ANKRD62: variants seen among roughly 807,000 people sequenced by gnomAD.
ANKRD62 encodes the protein ankyrin repeat domain-containing protein 62.
A neutral mutation model predicts 98.8 loss-of-function variants in ANKRD62; 61 were observed. The ratio of observed to expected loss-of-function variants is 0.62; its 90% CI spans 0.50 to 0.76. The LOEUF is 0.76. Among genes scored for constraint, ANKRD62 ranks in the 30% least tolerant of loss-of-function variants. The pLI is 0.00. For missense variants in ANKRD62, 933 were observed against 1,082.9 expected, an observed-to-expected ratio of 0.86 and a Z score of 1.94; for synonymous variants, 341 against 367.9, an observed-to-expected ratio of 0.93 and a Z score of 0.84.
chr18:12,113,957 C>A (rs1909603604), intron 8 of ANKRD62, among the ~76,000 whole-genome samples: 1 of 152,052 alleles, frequency 6.6e-6, no homozygotes, highest in South Asian at 2.1e-4. Context: ...TATTAGGTAG[C>A]CATAAAAAAT....
chr18:12,107,948 C>A (rs1297462605), intron 8 of ANKRD62, among the ~76,000 whole-genome samples: 2 of 152,052 alleles, frequency 1.3e-5, no homozygotes, highest in African/African-American at 4.8e-5. Context: ...CATATATATG[C>A]ATGTGTAGTT....
downstream of ANKRD62, among the ~76,000 whole-genome samples, chr18:12,133,775 T>C (rs1269640726): frequency 2.0e-5 from 3 of 152,084 alleles, no homozygotes; most frequent in South Asian, 2.1e-4. Context: ...CAAGAATGTA[T>C]TTTTTTACAC....
chr18:12,127,883 G>A lies in ANKRD62; in HGVS notation c.2698G>A (p.Gly900Ser). The change falls in exon 14 of 14, where the codon GGC becomes AGC. Residue 900 changes from glycine to serine, a missense_variant. Coordinates refer to ENST00000587848, the MANE Select transcript of ANKRD62 (RefSeq NM_001277333.2). ...GGCACAAAGTTTAAAAAAGAAATTA[G>A]GCCAGATGAGAAGTCAAGTATGTAT... ...DEAQSLKKKL[G>S]QMRSQVCMKL... 6.6e-7 allele frequency: 1 copy of A among 1,522,364 alleles called. No homozygotes were observed. Among genetic ancestry groups the A allele is most frequent in the Non-Finnish European group, 8.8e-7 (1 of 1,141,416 alleles). 94.3% of individuals were successfully genotyped at this position (1,522,364 alleles called of 1,614,324 possible).
intron 11 of ANKRD62, 82 bp downstream of exon 11, chr18:12,122,598 C>A: frequency 1.7e-6 from 2 of 1,184,264 alleles, no homozygotes; most frequent in Non-Finnish European, 2.3e-6. Flanking sequence ...AGCTGACTTA[C>A]CTTCTAGGGT....
chr18:12,102,610 G>A, intron 6 of ANKRD62: 3 of 542,520 alleles, frequency 5.5e-6, no homozygotes, highest in South Asian at 4.9e-5. Context: ...TTTGTCTGGG[G>A]AAAGAGCCAG....
chr18:12,101,498 C>T (rs964523003), intron 6 of ANKRD62, among the ~76,000 whole-genome samples: 8 of 152,088 alleles, frequency 5.3e-5, no homozygotes, highest in Non-Finnish European at 1.2e-4. Context: ...TAAAATTTCC[C>T]CAGTATATGT....
At chr18:12,133,052 C>G (rs1391103436), downstream of ANKRD62, among the ~76,000 whole-genome samples, 2 of 152,108 alleles carry the variant, frequency 1.3e-5, no homozygotes, top group Non-Finnish European at 1.5e-5. Context: ...AATAGAAACT[C>G]TGTACCCATT....
rs146252909 is a variant in ANKRD62 at position 12,128,682 on chromosome 18, A to C, written c.*743A>C. On this transcript the variant is annotated 3_prime_UTR_variant, in exon 14 of 14. Coordinates refer to ENST00000587848, the MANE Select transcript of ANKRD62 (RefSeq NM_001277333.2). ...ATGAGCCCTGCCACTCGATAGGAGA[A>C]TCTATCTATTTTAATTATTTTTCTG... 50 of 152,364 alleles carry C rather than the reference A, an allele frequency of 3.3e-4. No homozygotes were observed. Among genetic ancestry groups the C allele is most frequent in the African/African-American group, 1.2e-3 (49 of 41,586 alleles). The allele number at this position is 152,364 out of a possible 1,614,324, so 9.4% of individuals were successfully genotyped here. A position where few individuals can be genotyped will look rare whatever the true frequency, so the allele number is the denominator to read the frequency against.
At chr18:12,114,660 GGCTA>G (rs1328538640) in intron 8 of ANKRD62, among the ~76,000 whole-genome samples, 2 of 152,074 alleles carry the variant, frequency 1.3e-5, no homozygotes, top group Non-Finnish European at 2.9e-5. Flanking sequence ...GTCCCAAAAA[GGCTA>G]GCTAATGTTA....
chr18:12,095,378 T>C lies in ANKRD62; in HGVS notation c.334-59T>C, dbSNP rs918512953. ...ACCTCATTGAAATGTGACTAGTTGG[T>C]GAATCCTGTGGAAGATTTCCTAGAA... On this transcript the variant is annotated intron_variant, in intron 2 of 13. Transcript: ENST00000587848. The C allele has an allele frequency of 2.5e-5, 38 of 1,536,290 alleles. No individual in the cohort carries two copies. In the East Asian group the frequency reaches 8.6e-4, roughly 35 times the overall value.
rs941320565 is a variant in ANKRD62 at position 12,094,899 on chromosome 18, G to A, written c.219-272G>A. ...GGGGGTTGGATGGAGTGAGGGGACTGGTTGGGGGTAGAGTTGGGTAGGATG... is the reference window on the plus strand; with the variant it reads ...GGGGGTTGGATGGAGTGAGGGGACTAGTTGGGGGTAGAGTTGGGTAGGATG... On this transcript the variant is annotated intron_variant, in intron 1 of 13. Coordinates refer to ENST00000587848, the MANE Select transcript of ANKRD62 (RefSeq NM_001277333.2). Among the ~76,000 whole-genome samples, 7 of 131,614 alleles carry A rather than the reference G, an allele frequency of 5.3e-5. No individual in the cohort carries two copies. In the South Asian group the frequency reaches 8.1e-4, roughly 15 times the overall value. The allele number at this position is 131,614 out of a possible 152,430, so 86.3% of individuals were successfully genotyped here. A position where few individuals can be genotyped will look rare whatever the true frequency, so the allele number is the denominator to read the frequency against.
the ANKRD62 span, among the ~76,000 whole-genome samples, chr18:12,179,045 AC>A: frequency 1.4e-5 from 2 of 146,194 alleles, no homozygotes; most frequent in Non-Finnish European, 3.0e-5. Context: ...TGACATAGGA[AC>A]CGAGGGAGAG....
the ANKRD62 span, among the ~76,000 whole-genome samples, chr18:12,139,429 G>T: frequency 4.6e-5 from 7 of 152,202 alleles, no homozygotes; most frequent in African/African-American, 1.7e-4. Context: ...CGGATCACGA[G>T]GTCAGGAGAT....
At chr18:12,167,247 T>C in the ANKRD62 span, among the ~76,000 whole-genome samples, 1 of 151,906 alleles carries the variant, frequency 6.6e-6, no homozygotes, top group Non-Finnish European at 1.5e-5. Flanking sequence ...TAGCTCATCA[T>C]TTACATTAAG....
rs1473617216 is a variant in ANKRD62 at position 12,093,893 on chromosome 18, C to G, written c.-125C>G. 2 of 862,314 alleles carry G rather than the reference C, an allele frequency of 2.3e-6. No homozygotes were observed. Among genetic ancestry groups the G allele is most frequent in the Non-Finnish European group, 3.6e-6 (2 of 550,068 alleles). 53.4% of individuals were successfully genotyped at this position (862,314 alleles called of 1,614,324 possible). A position where few individuals can be genotyped will look rare whatever the true frequency, so the allele number is the denominator to read the frequency against. On this transcript the variant is annotated 5_prime_UTR_variant, in exon 1 of 14. Coordinates refer to ENST00000587848, the MANE Select transcript of ANKRD62 (RefSeq NM_001277333.2). Reference sequence around the variant, plus strand: ...CGAGCAGCTGGAGACTGGAGTGTCCCTGACGGAGGTTGCGGCTGGACCTGG... The same window carrying G: ...CGAGCAGCTGGAGACTGGAGTGTCCGTGACGGAGGTTGCGGCTGGACCTGG...
chr18:12,177,352 A>G, the ANKRD62 span, among the ~76,000 whole-genome samples: 2 of 152,170 alleles, frequency 1.3e-5, no homozygotes, highest in Non-Finnish European at 2.9e-5. Context: ...TGGGGAAGAC[A>G]TTCCTCAAGG....
chr18:12,138,766 C>G, the ANKRD62 span, among the ~76,000 whole-genome samples: 1 of 152,094 alleles, frequency 6.6e-6, no homozygotes, highest in Non-Finnish European at 1.5e-5. Context: ...ATAGTTAGTT[C>G]TTGTTGTATT....
the ANKRD62 span, among the ~76,000 whole-genome samples, chr18:12,138,853 G>C: frequency 5.3e-5 from 8 of 152,198 alleles, no homozygotes; most frequent in South Asian, 6.2e-4. Flanking sequence ...TTATCAGAGA[G>C]TAGGATTGCA....
At chr18:12,136,930 A>G in the ANKRD62 span, among the ~76,000 whole-genome samples, 1 of 152,182 alleles carries the variant, frequency 6.6e-6, no homozygotes, top group Non-Finnish European at 1.5e-5. Flanking sequence ...GTTGCTTATC[A>G]GCTTAAGGAG....
Sources: gnomAD v4.1 joint callset for allele counts (sites outside exome capture counted in the v4.1 genomes callset) on GRCh38, gnomAD v4.1.1 for gene constraint, MANE v1.5 for transcripts, NCBI Gene and HGNC (gene_info 2026-07-23, HGNC 2026-07-21) for gene names.